PCDHA4: variants seen among roughly 807,000 people sequenced by gnomAD.
The protein encoded by PCDHA4 is protocadherin alpha 4.
PCDHA4 carries 49 observed loss-of-function variants against 61.4 expected under a neutral mutation model. That is an observed-to-expected ratio of 0.80 (90% CI 0.63 to 1.01). PCDHA4 has a LOEUF of 1.01. PCDHA4 is among the 50% of genes least tolerant of loss of function. The probability of loss-of-function intolerance (pLI) is 0.00; values close to 1 mark genes in which losing one functional copy is unlikely to be tolerated. For missense variants in PCDHA4, 1,254 were observed against 1,235.8 expected, an observed-to-expected ratio of 1.01 and a Z score of -0.22; for synonymous variants, 590 against 550.3, an observed-to-expected ratio of 1.07 and a Z score of -1.01.
At chr5:140,851,741 G>A in intron 1 of PCDHA4, 1 of 972,212 alleles carries the variant, frequency 1.0e-6, no homozygotes, top group Non-Finnish European at 1.2e-6. Context: ...TTGAAATTCA[G>A]AGTCTGTAAC....
intron 1 of PCDHA4, chr5:140,810,926 A>T (rs1382106901): frequency 6.6e-6 from 1 of 152,104 alleles, no homozygotes; most frequent in African/African-American, 2.4e-5. Context: ...TTCATTGTTT[A>T]CATTACATCT....
intron 1 of PCDHA4, chr5:140,871,145 C>T (rs1249708738): frequency 1.2e-6 from 2 of 1,613,300 alleles, no homozygotes; most frequent in East Asian, 2.2e-5. Context: ...TCTTCCCGGA[C>T]TTTGGCGGGC....
At chr5:140,850,903 G>T (rs781893598) in intron 1 of PCDHA4, 1 of 1,560,860 alleles carries the variant, frequency 6.4e-7, no homozygotes, top group Non-Finnish European at 8.7e-7. Context: ...GGTTTTTCTA[G>T]CATTTTATTT....
At chr5:140,813,701 T>C (rs1357326463) in intron 1 of PCDHA4, 1 of 152,174 alleles carries the variant, frequency 6.6e-6, no homozygotes, top group Non-Finnish European at 1.5e-5. Flanking sequence ...TATCAAAAAA[T>C]TTTCTTTTTA....
At chr5:140,919,489 T>C (rs1554199092) in intron 1 of PCDHA4, among the ~76,000 whole-genome samples, 2 of 152,222 alleles carry the variant, frequency 1.3e-5, no homozygotes, top group African/African-American at 4.8e-5. Context: ...TTATGTTTGT[T>C]ATTTTACTCC....
chr5:140,998,805 C>T (rs1226450562), intron 3 of PCDHA4, among the ~76,000 whole-genome samples: 1 of 152,204 alleles, frequency 6.6e-6, no homozygotes, highest in Admixed American at 6.5e-5. Flanking sequence ...CTCAGGTGAT[C>T]TGCCTGCCTT....
At chr5:140,976,369 G>A (rs1464114589) in intron 1 of PCDHA4, among the ~76,000 whole-genome samples, 1 of 151,996 alleles carries the variant, frequency 6.6e-6, no homozygotes, top group Non-Finnish European at 1.5e-5. Flanking sequence ...TGGCCAACAT[G>A]GTGAAACCCC....
intron 1 of PCDHA4, chr5:140,812,555 T>C (rs2126639999): frequency 2.0e-5 from 3 of 152,284 alleles, no homozygotes; most frequent in African/African-American, 4.8e-5. Flanking sequence ...CCTTGAGTTG[T>C]TAAGTTTTTT....
At chr5:140,948,027 G>T (rs530195389) in intron 1 of PCDHA4, among the ~76,000 whole-genome samples, 1 of 151,544 alleles carries the variant, frequency 6.6e-6, no homozygotes, top group Non-Finnish European at 1.5e-5. Flanking sequence ...TTTCTGGTTT[G>T]CTCAGAGTTT....
rs781784518 is a variant in PCDHA4, at chr5:140,857,448, A to G, written c.2385+47876A>G. The G allele has an allele frequency of 6.3e-7, 1 of 1,597,896 alleles. No homozygotes were observed. Among genetic ancestry groups the G allele is most frequent in the Non-Finnish European group, 8.6e-7 (1 of 1,167,724 alleles). ...TACACGGTGTTCGTGAAGGAGAACA[A>G]CCCGCCAGGCTGCCACATCTTCACG... On this transcript the variant is annotated intron_variant, in intron 1 of 3. Coordinates refer to ENST00000530339, the MANE Select transcript of PCDHA4 (RefSeq NM_018907.4).
intron 1 of PCDHA4, among the ~76,000 whole-genome samples, chr5:140,897,340 C>A (rs1326802877): frequency 8.1e-6 from 1 of 122,842 alleles, no homozygotes; most frequent in African/African-American, 3.1e-5. Context: ...CCCCTCCCCC[C>A]ACCCCACAAC....
chr5:140,971,919 C>G (rs529852735), intron 1 of PCDHA4, among the ~76,000 whole-genome samples: 1 of 152,162 alleles, frequency 6.6e-6, no homozygotes, highest in South Asian at 2.1e-4. Context: ...AGCCACACTG[C>G]TAGTGTTATT....
chr5:140,884,459 G>T (rs530412188), intron 1 of PCDHA4: 2 of 1,613,754 alleles, frequency 1.2e-6, no homozygotes, highest in South Asian at 2.2e-5. Flanking sequence ...CACCGAGGGC[G>T]CGTGCGCGCC....
chr5:140,997,781 C>T (rs1207024588), intron 3 of PCDHA4, among the ~76,000 whole-genome samples: 3 of 151,626 alleles, frequency 2.0e-5, no homozygotes, highest in African/African-American at 7.3e-5. Flanking sequence ...TGTTGTATAC[C>T]TATATTATAA....
At chr5:140,946,151 C>T (rs943826321) in intron 1 of PCDHA4, among the ~76,000 whole-genome samples, 6 of 151,694 alleles carry the variant, frequency 4.0e-5, no homozygotes, top group East Asian at 1.9e-4. Context: ...ACAAATAACA[C>T]GATTTAAAAG....
chr5:140,870,880 G>C (rs782304708), intron 1 of PCDHA4: 1 of 1,613,948 alleles, frequency 6.2e-7, no homozygotes, highest in South Asian at 1.1e-5. Context: ...GGTGGCGAAG[G>C]TGCGCGCAGT....
intron 1 of PCDHA4, among the ~76,000 whole-genome samples, chr5:140,908,928 A>G (rs1426452860): frequency 6.6e-6 from 1 of 152,224 alleles, no homozygotes; most frequent in Non-Finnish European, 1.5e-5. Flanking sequence ...GGCCAAATGC[A>G]GCAACTTATC....
intron 1 of PCDHA4, among the ~76,000 whole-genome samples, chr5:140,874,289 T>G (rs1234939624): frequency 1.3e-5 from 2 of 152,230 alleles, no homozygotes; most frequent in Non-Finnish European, 2.9e-5. Context: ...ACAAAATCTA[T>G]GTGTACTTGT....
Position 140,929,287 on chromosome 5 carries a change from C to T in PCDHA4, c.2386-49662C>T, listed in dbSNP as rs782325052. On this transcript the variant is annotated intron_variant, in intron 1 of 3. Transcript: ENST00000530339. The stretch of plus-strand genomic sequence containing the variant: ...TTTGCCAATATCCTGTATTCAGATT[C>T]GGAATAGGAAAGGGGATCACGCTAA... 13 of 1,598,668 alleles carry T rather than the reference C, an allele frequency of 8.1e-6. No homozygotes were observed. In the East Asian group the frequency reaches 2.5e-4, roughly 30 times the overall value.
Sources: allele counts gnomAD v4.1 joint callset (sites outside exome capture counted in the v4.1 genomes callset), GRCh38; gene constraint gnomAD v4.1.1; transcripts MANE v1.5; gene names NCBI Gene and HGNC (gene_info 2026-07-23, HGNC 2026-07-21).